CHD9: variants seen among roughly 807,000 people sequenced by gnomAD.
CHD9 encodes chromodomain helicase DNA binding protein 9, also known as ATP-dependent chromatin remodeler CHD9.
A neutral mutation model predicts 316.1 loss-of-function variants in CHD9; 77 were observed. That is an observed-to-expected ratio of 0.24 (90% CI 0.20 to 0.29). CHD9 has a LOEUF of 0.29. CHD9 is among the 10% of genes least tolerant of loss of function. The pLI is 1.00. For synonymous variants in CHD9, 1,129 were observed against 1,158.3 expected (o/e 0.97, Z 0.51); for missense variants, 2,763 against 3,438.1 (o/e 0.80, Z 4.91).
rs2048666760 is a variant in CHD9, at chr16:53,236,753, C to T, written c.2633+1447C>T. Reference sequence around the variant, plus strand: ...CATTGGTTAGTAGTTGGTACTCCTTCCTTCTTTAAACATTCCCCTCACTCT... The same window carrying T: ...CATTGGTTAGTAGTTGGTACTCCTTTCTTCTTTAAACATTCCCCTCACTCT... On this transcript the variant is annotated intron_variant, in intron 11 of 38. Transcript: ENST00000447540. Among the ~76,000 whole-genome samples the T allele has an allele frequency of 3.9e-5, 6 of 151,980 alleles. No individual in the cohort carries two copies. The South Asian group carries it at 1.2e-3, about 32-fold the overall frequency.
intron 36 of CHD9, 93 bp from the exon 37 acceptor site, chr16:53,318,119 C>G: frequency 1.1e-6 from 1 of 950,418 alleles, no homozygotes; most frequent in Non-Finnish European, 1.5e-6. Flanking sequence ...AAGGTAAATG[C>G]TATTAAATTA....
chr16:53,309,107 C>G (rs1313227241), intron 34 of CHD9, among the ~76,000 whole-genome samples: 1 of 152,060 alleles, frequency 6.6e-6, no homozygotes. Flanking sequence ...GTCAAGTTGC[C>G]TCATACAGGT....
intron 1 of CHD9, among the ~76,000 whole-genome samples, chr16:53,063,002 A>C (rs2033085365): frequency 6.6e-6 from 1 of 152,196 alleles, no homozygotes; most frequent in Non-Finnish European, 1.5e-5. Flanking sequence ...CCTGGGCAAC[A>C]AGAGTGAAAC....
intron 23 of CHD9, 103 bp downstream of exon 23, chr16:53,273,888 C>A: frequency 9.7e-7 from 1 of 1,035,062 alleles, no homozygotes; most frequent in South Asian, 1.6e-5. Flanking sequence ...ACAGCATGGT[C>A]TAGGGCCAAT....
At chr16:53,151,219 CT>C (rs1262180670) in intron 1 of CHD9, among the ~76,000 whole-genome samples, 48 of 130,732 alleles carry the variant, frequency 3.7e-4, no homozygotes, top group African/African-American at 1.2e-3. Context: ...CCCTCCCCCC[CT>C]CCCCTCCCTT....
intron 1 of CHD9, among the ~76,000 whole-genome samples, chr16:53,088,160 C>G (rs1243142094): frequency 1.3e-5 from 2 of 152,022 alleles, no homozygotes; most frequent in African/African-American, 4.8e-5. Flanking sequence ...AGTTCTAGCC[C>G]CTATATCCTT....
At chr16:53,130,970 G>A (rs1031715006) in intron 1 of CHD9, 2 of 152,068 alleles carry the variant, frequency 1.3e-5, no homozygotes, top group African/African-American at 2.4e-5. Flanking sequence ...AGGCGGGTGC[G>A]TGGCGGCGCG....
intron 1 of CHD9, among the ~76,000 whole-genome samples, chr16:53,084,893 A>G (rs1223814238): frequency 6.6e-6 from 1 of 152,012 alleles, no homozygotes; most frequent in East Asian, 1.9e-4. Context: ...GTCTGTCCAC[A>G]CCCTCTACCA....
At position 53,314,917 on chromosome 16, in the gene CHD9, C is replaced by T; in HGVS notation, c.7457C>T (p.Pro2486Leu). Residue 2486 changes from proline to leucine, a missense_variant, in exon 36 of 39, where the codon CCA (proline) becomes CTA (leucine). Physicochemically the swap from Pro to Leu is moderately conservative, Grantham distance 98. Coordinates refer to ENST00000447540, the MANE Select transcript of CHD9 (RefSeq NM_001308319.2). ...QPQGIPDTES[P>L]VPVINLKDGT... ...CAAGGAATTCCTGATACAGAAAGTC[C>T]AGTTCCAGTTATTAATCTTAAAGAT... 2 of 1,613,336 alleles carry T rather than the reference C, an allele frequency of 1.2e-6. No individual in the cohort carries two copies. The highest frequency in any genetic ancestry group is 1.7e-6 in the Non-Finnish European group (2 of 1,179,414).
chr16:53,123,754 G>A (rs982764061), intron 1 of CHD9, among the ~76,000 whole-genome samples: 3 of 151,880 alleles, frequency 2.0e-5, no homozygotes, highest in South Asian at 2.1e-4. Context: ...TGCCCACCTC[G>A]GCCTCCCAAA....
intron 2 of CHD9, among the ~76,000 whole-genome samples, chr16:53,191,927 A>G (rs1451617680): frequency 6.6e-6 from 1 of 151,990 alleles, no homozygotes; most frequent in East Asian, 1.9e-4. Context: ...AGTTCTTGGT[A>G]TTGTCAGTCT....
In CHD9 at chr16:53,324,320, A is replaced by G; in HGVS notation, c.8119A>G (p.Met2707Val). 1 of 1,613,988 alleles carries G rather than the reference A, an allele frequency of 6.2e-7. No homozygotes were observed. Among genetic ancestry groups the G allele is most frequent in the Non-Finnish European group, 8.5e-7 (1 of 1,179,860 alleles). The change falls in exon 39 of 39, where the codon ATG (methionine) becomes GTG (valine). Residue 2707 changes from methionine to valine, a missense_variant. Transcript: ENST00000447540. ...GLPSGGEAKN[M>V]AAMFPMLLSG... ...TCCTTCTGGAGGAGAAGCTAAAAAC[A>G]TGGCTGCTATGTTCCCCATGCTGCT... is the stretch of plus-strand genomic sequence containing the variant.
intron 32 of CHD9, among the ~76,000 whole-genome samples, chr16:53,306,705 T>C (rs919689069): frequency 1.3e-5 from 2 of 152,220 alleles, no homozygotes; most frequent in African/African-American, 4.8e-5. Context: ...AAGTTTACTG[T>C]AGCCAGTTGT....
intron 3 of CHD9, among the ~76,000 whole-genome samples, chr16:53,215,217 A>G (rs944745126): frequency 1.3e-5 from 2 of 152,076 alleles, no homozygotes; most frequent in African/African-American, 2.4e-5. Flanking sequence ...TGCCCGGCCA[A>G]CAATACATAT....
chr16:53,265,531 A>G (rs2051573009), intron 20 of CHD9, among the ~76,000 whole-genome samples: 1 of 152,236 alleles, frequency 6.6e-6, no homozygotes, highest in South Asian at 2.1e-4. Context: ...GTATAAGTTT[A>G]TGAAATATAC....
rs190366392 is a variant in CHD9 at position 53,175,595 on chromosome 16, T to C, written c.1452+18054T>C. Among the ~76,000 whole-genome samples, 34 of 152,374 alleles carry C rather than the reference T, an allele frequency of 2.2e-4. No individual in the cohort carries two copies. In the East Asian group the frequency reaches 6.5e-3, roughly 29 times the overall value. ...AATGTTTCATAATATGGAATTGTCA[T>C]AATTGTTTATTCTTCTTTGACAGTA... On this transcript the variant is annotated intron_variant, in intron 2 of 38. Transcript: ENST00000447540.
chr16:53,101,873 T>C (rs1240192259), intron 1 of CHD9, among the ~76,000 whole-genome samples: 3 of 152,052 alleles, frequency 2.0e-5, no homozygotes, highest in Non-Finnish European at 4.4e-5. Flanking sequence ...TGTCAGGGAG[T>C]TGGGCATTTC....
At chr16:53,254,112 G>T (rs1286611049) in intron 17 of CHD9, among the ~76,000 whole-genome samples, 1 of 152,142 alleles carries the variant, frequency 6.6e-6, no homozygotes, top group Non-Finnish European at 1.5e-5. Flanking sequence ...AGGAGGCGGA[G>T]GTTGCAGTGA....
Position 53,113,838 on chromosome 16 carries a change from T to C in CHD9, c.-164-42088T>C, listed in dbSNP as rs2038060612. Among the ~76,000 whole-genome samples, 3 of 152,080 alleles carry C rather than the reference T, an allele frequency of 2.0e-5. No individual in the cohort carries two copies. The South Asian group carries it at 6.2e-4, about 31-fold the overall frequency. ...CTCTCACCTCAGCCTCCTGAGTAGC[T>C]AGGACTACAGCATGCACCACCACGC... On this transcript the variant is annotated intron_variant, in intron 1 of 38. Transcript: ENST00000447540.
Sources: gnomAD v4.1 joint callset for allele counts (sites outside exome capture counted in the v4.1 genomes callset) on GRCh38, gnomAD v4.1.1 for gene constraint, MANE v1.5 for transcripts, NCBI Gene and HGNC (gene_info 2026-07-23, HGNC 2026-07-21) for gene names.